CADPS2: variants seen among roughly 807,000 people sequenced by gnomAD.
The protein encoded by CADPS2 is calcium dependent secretion activator 2, also known as calcium-dependent secretion activator 2.
In CADPS2, 93 loss-of-function variants were observed where a neutral mutation model predicts 172.5. The observed-to-expected ratio is 0.54, with a 90% CI of 0.46 to 0.64. The LOEUF is 0.64. Among genes scored for constraint, CADPS2 ranks in the 30% least tolerant of loss-of-function variants. The pLI is 0.00. For missense variants in CADPS2, 1,420 were observed against 1,565.9 expected, an observed-to-expected ratio of 0.91 and a Z score of 1.57; for synonymous variants, 546 against 555.2, an observed-to-expected ratio of 0.98 and a Z score of 0.23.
intron 1 of CADPS2, among the ~76,000 whole-genome samples, chr7:122,782,172 C>T (rs911037518): frequency 2.0e-5 from 3 of 152,098 alleles, no homozygotes; most frequent in African/African-American, 7.2e-5. Context: ...TATCTAGCAA[C>T]CTTAGCAAAT....
intron 2 of CADPS2, chr7:122,699,150 A>G: frequency 2.1e-6 from 1 of 472,596 alleles, no homozygotes; most frequent in East Asian, 3.6e-5. Flanking sequence ...AACTCTAGAT[A>G]CTGCTTACTA....
At chr7:122,663,119 C>T in intron 3 of CADPS2, 118 bp downstream of exon 3, 2 of 772,188 alleles carry the variant, frequency 2.6e-6, no homozygotes, top group Non-Finnish European at 4.1e-6. Flanking sequence ...TTCAATTTTG[C>T]TCAACTTTCC....
At chr7:122,440,445 A>T (rs933760694) in intron 16 of CADPS2, 1 of 152,218 alleles carries the variant, frequency 6.6e-6, no homozygotes, top group African/African-American at 2.4e-5. Flanking sequence ...AGCTTTCAGT[A>T]TTATAAAAAT....
chr7:122,708,461 G>GATATATATATATATATATATAT (rs3034549), intron 2 of CADPS2, among the ~76,000 whole-genome samples: 1 of 128,236 alleles, frequency 7.8e-6, no homozygotes, highest in African/African-American at 3.0e-5. Flanking sequence ...TATGTGTGTG[G>GATATATATATATATATATATAT]ATATATATAT....
At chr7:122,754,159 T>G (rs563377508) in intron 1 of CADPS2, among the ~76,000 whole-genome samples, 1 of 152,332 alleles carries the variant, frequency 6.6e-6, no homozygotes, top group Non-Finnish European at 1.5e-5. Flanking sequence ...TAGTTTTCAT[T>G]GCAATTAATT....
chr7:122,669,886 T>G (rs1258944866), intron 2 of CADPS2, among the ~76,000 whole-genome samples: 2 of 151,914 alleles, frequency 1.3e-5, no homozygotes, highest in Non-Finnish European at 2.9e-5. Context: ...GCCTCCTGCT[T>G]GCCTATCTCA....
chr7:122,336,520 G>A (rs62473066), intron 28 of CADPS2, among the ~76,000 whole-genome samples: 29,064 of 152,120 alleles, frequency 0.19, 3,306 homozygotes, highest in Non-Finnish European at 0.27. Context: ...ATAGAGGTCA[G>A]AATTTCTAGA....
intron 2 of CADPS2, chr7:122,676,726 C>A: frequency 1.3e-6 from 2 of 1,538,150 alleles, no homozygotes; most frequent in Non-Finnish European, 1.8e-6. Context: ...GGACATGGGG[C>A]CAACTCAGAG....
intron 3 of CADPS2, among the ~76,000 whole-genome samples, chr7:122,658,883 T>C (rs2080157519): frequency 6.6e-6 from 1 of 151,132 alleles, no homozygotes; most frequent in Non-Finnish European, 1.5e-5. Context: ...TAAAGTATAA[T>C]AAAAAAATTA....
intron 3 of CADPS2, among the ~76,000 whole-genome samples, chr7:122,653,059 C>T (rs181960939): frequency 2.6e-5 from 4 of 152,264 alleles, no homozygotes; most frequent in Admixed American, 6.5e-5. Context: ...TATTACCAAA[C>T]GATGGCCATC....
intron 1 of CADPS2, among the ~76,000 whole-genome samples, chr7:122,842,218 T>G (rs1159515762): frequency 6.6e-6 from 1 of 152,218 alleles, no homozygotes; most frequent in Non-Finnish European, 1.5e-5. Flanking sequence ...CCTCTGCTTC[T>G]GTCAGGCTCT....
chr7:122,512,173 C>T (rs1357138612), intron 9 of CADPS2, among the ~76,000 whole-genome samples: 1 of 151,996 alleles, frequency 6.6e-6, no homozygotes, highest in African/African-American at 2.4e-5. Context: ...CATGGAGTTA[C>T]CAGGCTATCA....
intron 2 of CADPS2, among the ~76,000 whole-genome samples, chr7:122,704,234 A>G (rs955902818): frequency 2.0e-5 from 3 of 151,922 alleles, no homozygotes; most frequent in African/African-American, 7.3e-5. Flanking sequence ...TATTCCCTGT[A>G]TTTTAGTTAA....
chr7:122,535,418 A>G (rs972100796), intron 8 of CADPS2, among the ~76,000 whole-genome samples: 3 of 152,064 alleles, frequency 2.0e-5, no homozygotes, highest in African/African-American at 4.8e-5. Flanking sequence ...TTAATCTACT[A>G]TATCTGGATG....
chr7:122,623,457 G>A (rs1279348493), intron 4 of CADPS2, among the ~76,000 whole-genome samples: 1 of 152,050 alleles, frequency 6.6e-6, no homozygotes, highest in Non-Finnish European at 1.5e-5. Context: ...GATCATTTGG[G>A]GAAAAGTTCT....
At chr7:122,734,376 A>AAAAAAAAAAAG (rs1353681383) in intron 2 of CADPS2, among the ~76,000 whole-genome samples, 1 of 95,442 alleles carries the variant, frequency 1.0e-5, no homozygotes, top group African/African-American at 3.5e-5. Flanking sequence ...AAAAAAAAAA[A>AAAAAAAAAAAG]AAAAAAAAAA....
chr7:122,781,090 C>G (rs1792586578), intron 1 of CADPS2, among the ~76,000 whole-genome samples: 1 of 152,212 alleles, frequency 6.6e-6, no homozygotes, highest in Non-Finnish European at 1.5e-5. Context: ...TTTCTTACCA[C>G]ACTCATGACT....
chr7:122,721,078 C>T (rs559420860), intron 2 of CADPS2, among the ~76,000 whole-genome samples: 1 of 152,130 alleles, frequency 6.6e-6, no homozygotes, highest in Admixed American at 6.6e-5. Context: ...TTCAAGTCCT[C>T]TAGGTTTGCT....
At chr7:122,834,499 C>T (rs1241204736) in intron 1 of CADPS2, among the ~76,000 whole-genome samples, 2 of 152,232 alleles carry the variant, frequency 1.3e-5, no homozygotes, top group East Asian at 1.9e-4. Flanking sequence ...ATGCCTCACC[C>T]GGGGAGCACA....
Sources: gnomAD v4.1 joint callset for allele counts (sites outside exome capture counted in the v4.1 genomes callset) on GRCh38, gnomAD v4.1.1 for gene constraint, MANE v1.5 for transcripts, NCBI Gene and HGNC (gene_info 2026-07-23, HGNC 2026-07-21) for gene names.